The following DNAJC24 variants were observed in gnomAD, a reference collection of about 807,000 sequenced individuals.
DNAJC24 encodes DnaJ heat shock protein family (Hsp40) member C24, also known as dnaJ homolog subfamily C member 24.
In DNAJC24, 17 loss-of-function variants were observed where a neutral mutation model predicts 18.0. The observed-to-expected ratio is 0.94, with a 90% CI of 0.65 to 1.42. The LOEUF (loss-of-function observed/expected upper bound fraction) is 1.42. Among genes scored for constraint, DNAJC24 ranks in the 40% most tolerant of loss-of-function variants. The pLI is 0.00. For synonymous variants in DNAJC24, 55 were observed against 57.7 expected (o/e 0.95, Z 0.21); for missense variants, 158 against 175.6 (o/e 0.90, Z 0.57).
chr11:31,405,374 AT>A (rs34856586), intron 2 of DNAJC24, among the ~76,000 whole-genome samples: 14,230 of 134,346 alleles, frequency 0.11, 1,802 homozygotes, highest in African/African-American at 0.31. Flanking sequence ...CCAGCCAGGA[AT>A]TTTTTTTTTT....
chr11:31,424,611 A>C (rs745449434), intron 3 of DNAJC24, among the ~76,000 whole-genome samples: 5 of 152,208 alleles, frequency 3.3e-5, no homozygotes, highest in Non-Finnish European at 7.3e-5. Context: ...TAAGCTATCC[A>C]GTAGACATAC....
intron 2 of DNAJC24, chr11:31,408,298 G>A: frequency 2.4e-6 from 1 of 418,390 alleles, no homozygotes; most frequent in Non-Finnish European, 4.7e-6. Context: ...TGGTGAAACA[G>A]AGATTCTGGA....
At chr11:31,410,744 C>G (rs1043808128) in intron 2 of DNAJC24, among the ~76,000 whole-genome samples, 1 of 152,094 alleles carries the variant, frequency 6.6e-6, no homozygotes, top group Non-Finnish European at 1.5e-5. Flanking sequence ...CCAGTTGTTT[C>G]GAAACAATTT....
intron 4 of DNAJC24, among the ~76,000 whole-genome samples, chr11:31,428,401 A>T (rs541858927): frequency 6.6e-6 from 1 of 152,306 alleles, no homozygotes; most frequent in Admixed American, 6.5e-5. Flanking sequence ...AATACTTAAA[A>T]ACGAATCATG....
At chr11:31,403,171 T>C (rs1437671567) in intron 2 of DNAJC24, among the ~76,000 whole-genome samples, 1 of 149,776 alleles carries the variant, frequency 6.7e-6, no homozygotes, top group Non-Finnish European at 1.5e-5. Context: ...ATCATTCTTC[T>C]TCATGAAGAA....
In DNAJC24 at chr11:31,426,270, T is replaced by A. The variant is rs1333423518; in HGVS notation, c.251-17T>A. 6.9e-7 allele frequency: 1 copy of A among 1,458,294 alleles called. No homozygotes were observed. Among genetic ancestry groups the A allele is most frequent in the Admixed American group, 2.1e-5 (1 of 47,092 alleles). 90.3% of individuals were successfully genotyped at this position (1,458,294 alleles called of 1,614,324 possible). On this transcript the variant is annotated splice_polypyrimidine_tract_variant and intron_variant, in intron 3 of 4. Coordinates refer to ENST00000465995, the MANE Select transcript of DNAJC24 (RefSeq NM_181706.5). ...TATCATGTTTTACAATTAAGTGTCA[T>A]GTTTTATGTTTTACAGAAGATGATC...
intron 3 of DNAJC24, among the ~76,000 whole-genome samples, chr11:31,419,620 TAGTG>T (rs1474504369): frequency 2.0e-5 from 3 of 152,040 alleles, no homozygotes; most frequent in Admixed American, 2.0e-4. Context: ...TCTGATTTAA[TAGTG>T]GAGCAGTCTA....
rs182135257 is a variant in DNAJC24, at chr11:31,381,158, A to T, written c.111+10299A>T. Among the ~76,000 whole-genome samples, 156 of 152,306 alleles carry T rather than the reference A, an allele frequency of 1.0e-3. 1 individual carries two copies. The highest frequency in any genetic ancestry group is 3.4e-3 in the African/African-American group (142 of 41,568). On this transcript the variant is annotated intron_variant, in intron 2 of 4. Transcript: ENST00000465995. ...TATACATAAAATCATACCTCTTGAG[A>T]CATGAAGCATCGTTAAAATTTGACT...
rs760800443 is a variant in DNAJC24 at position 31,426,306 on chromosome 11, A to C, written c.270A>C (p.Val90=). 6.4e-7 allele frequency: 1 copy of C among 1,566,628 alleles called. No individual in the cohort carries two copies. The highest frequency in any genetic ancestry group is 2.3e-5 in the East Asian group (1 of 42,922). Residue 90 remains valine, a synonymous_variant, in exon 4 of 5, where the codon GTA becomes GTC. Transcript: ENST00000465995. ...TTACAGAAGATGATCTAAGAAATGT[A>C]GGACCAGTAGATGCTCAAGTATATC... ...LQRCEDDLRN[V]GPVDAQVYLE... is the part of the protein sequence containing the mutation.
intron 2 of DNAJC24, among the ~76,000 whole-genome samples, chr11:31,377,859 A>T (rs1191099389): frequency 6.6e-6 from 1 of 152,114 alleles, no homozygotes; most frequent in East Asian, 1.9e-4. Flanking sequence ...ATAATCTTGA[A>T]GAAAATCCAT....
chr11:31,424,690 A>C (rs1038663813), intron 3 of DNAJC24, among the ~76,000 whole-genome samples: 1 of 152,236 alleles, frequency 6.6e-6, no homozygotes, highest in Non-Finnish European at 1.5e-5. Context: ...ACAGTCTAAT[A>C]GACTACTGGT....
At chr11:31,383,004 A>G (rs1042529811) in intron 2 of DNAJC24, among the ~76,000 whole-genome samples, 7 of 152,154 alleles carry the variant, frequency 4.6e-5, no homozygotes, top group African/African-American at 1.7e-4. Flanking sequence ...CATACTCATT[A>G]CAAAGGATAT....
At position 31,405,374 on chromosome 11, in the gene DNAJC24, A is replaced by ATTT. The variant is rs34856586; in HGVS notation, c.112-9420_112-9418dup. 6.0e-5 allele frequency among the ~76,000 whole-genome samples: 8 copies of ATTT among 134,390 alleles called. No homozygotes were observed. In the South Asian group the frequency reaches 1.2e-3, roughly 20 times the overall value. 88.2% of individuals were successfully genotyped at this position (134,390 alleles called of 152,430 possible). A position where few individuals can be genotyped will look rare whatever the true frequency, so the allele number is the denominator to read the frequency against. ...CATGAGCCACCGCACCCAGCCAGGA[A>ATTT]TTTTTTTTTTTTTTTTTTTAAGGAT... On this transcript the variant is annotated intron_variant, in intron 2 of 4. Coordinates refer to ENST00000465995, the MANE Select transcript of DNAJC24 (RefSeq NM_181706.5).
chr11:31,387,758 A>G (rs528740792), intron 2 of DNAJC24, among the ~76,000 whole-genome samples: 2 of 152,326 alleles, frequency 1.3e-5, no homozygotes, highest in Admixed American at 6.5e-5. Context: ...CGACCTCACC[A>G]AACAAACTAA....
At chr11:31,398,083 G>A (rs1033319517) in intron 2 of DNAJC24, among the ~76,000 whole-genome samples, 10 of 152,178 alleles carry the variant, frequency 6.6e-5, no homozygotes, top group Non-Finnish European at 1.5e-4. Flanking sequence ...TTATAGGCGT[G>A]AGCCACCACG....
intron 2 of DNAJC24, among the ~76,000 whole-genome samples, chr11:31,396,581 G>T (rs1226162589): frequency 6.6e-6 from 1 of 152,082 alleles, no homozygotes; most frequent in Non-Finnish European, 1.5e-5. Flanking sequence ...TTGATCTTCA[G>T]CAGCCTTAGT....
chr11:31,377,028 A>G (rs930636369), intron 2 of DNAJC24, among the ~76,000 whole-genome samples: 6 of 152,154 alleles, frequency 3.9e-5, no homozygotes, highest in African/African-American at 7.2e-5. Flanking sequence ...TTGTTTCCCA[A>G]TTAGAACTAT....
intron 2 of DNAJC24, among the ~76,000 whole-genome samples, chr11:31,409,827 G>T (rs1251447618): frequency 6.6e-6 from 1 of 151,472 alleles, no homozygotes; most frequent in Non-Finnish European, 1.5e-5. Context: ...CAGTATATGA[G>T]AATTCTGGTT....
intron 2 of DNAJC24, among the ~76,000 whole-genome samples, chr11:31,372,994 A>G (rs1952280913): frequency 7.4e-6 from 1 of 134,430 alleles, no homozygotes; most frequent in South Asian, 2.5e-4. Context: ...AATTTATCTG[A>G]TGACTAATGA....
Sources: gnomAD v4.1 joint callset for allele counts (sites outside exome capture counted in the v4.1 genomes callset) on GRCh38, gnomAD v4.1.1 for gene constraint, MANE v1.5 for transcripts, NCBI Gene and HGNC (gene_info 2026-07-23, HGNC 2026-07-21) for gene names.